The following TRAK1 variants were observed in gnomAD, a reference collection of about 807,000 sequenced individuals.
TRAK1 encodes the protein trafficking kinesin protein 1.
TRAK1 carries 33 observed loss-of-function variants against 92.1 expected under a neutral mutation model. The ratio of observed to expected loss-of-function variants is 0.36; its 90% CI spans 0.27 to 0.48. TRAK1 has a LOEUF of 0.48. TRAK1 is among the 20% of genes least tolerant of loss of function. The pLI, the probability that TRAK1 is intolerant of heterozygous loss-of-function variation, is 0.99. For synonymous variants in TRAK1, 521 were observed against 517.3 expected (o/e 1.01, Z -0.10); for missense variants, 1,123 against 1,257.9 (o/e 0.89, Z 1.62).
chr3:42,201,883 G>GACACACACACACACACACACACACACAC (rs56336064), intron 12 of TRAK1, among the ~76,000 whole-genome samples: 2 of 125,080 alleles, frequency 1.6e-5, no homozygotes, highest in African/African-American at 6.2e-5. Context: ...CGGACAGACG[G>GACACACACACACACACACACACACACAC]ACACACACAC....
chr3:42,020,718 T>G (rs1701692858), intron 1 of TRAK1, among the ~76,000 whole-genome samples: 1 of 152,256 alleles, frequency 6.6e-6, no homozygotes, highest in African/African-American at 2.4e-5. Flanking sequence ...GTGTTCATTC[T>G]TCTCTGGATT....
chr3:42,138,616 G>A (rs1039555048), intron 2 of TRAK1, among the ~76,000 whole-genome samples: 5 of 151,796 alleles, frequency 3.3e-5, no homozygotes, highest in Admixed American at 6.6e-5. Context: ...GCCAGATGTG[G>A]CGGCTCACAC....
intron 1 of TRAK1, chr3:42,051,604 G>A (rs901648661): frequency 6.6e-6 from 1 of 152,302 alleles, no homozygotes; most frequent in African/African-American, 2.4e-5. Context: ...AACATCTGCA[G>A]CTTATTTTCT....
chr3:42,068,350 G>T (rs1703770166), intron 1 of TRAK1, among the ~76,000 whole-genome samples: 1 of 152,062 alleles, frequency 6.6e-6, no homozygotes, highest in African/African-American at 2.4e-5. Flanking sequence ...ATCTTTTGTA[G>T]AGACTGAGTT....
At chr3:42,117,669 G>T (rs1311310099) in intron 1 of TRAK1, among the ~76,000 whole-genome samples, 1 of 152,118 alleles carries the variant, frequency 6.6e-6, no homozygotes, top group African/African-American at 2.4e-5. Context: ...CCAGCGTGCA[G>T]GCACGAGGCC....
intron 14 of TRAK1, chr3:42,218,994 G>C (rs892387945): frequency 3.5e-5 from 34 of 985,376 alleles, no homozygotes; most frequent in Middle Eastern, 1.0e-3. Flanking sequence ...GCCCCTTTTT[G>C]TGTAAGCAGA....
intron 1 of TRAK1, among the ~76,000 whole-genome samples, chr3:42,102,411 T>C (rs1353224425): frequency 1.3e-5 from 2 of 152,254 alleles, no homozygotes; most frequent in Non-Finnish European, 2.9e-5. Context: ...TTCTCATGGA[T>C]TCAGAGTTAT....
intron 14 of TRAK1, among the ~76,000 whole-genome samples, chr3:42,214,302 T>G (rs1391999097): frequency 6.6e-6 from 1 of 152,132 alleles, no homozygotes; most frequent in East Asian, 1.9e-4. Context: ...ACAGGTGAAG[T>G]GCTCTCTTGT....
chr3:42,187,450 G>A (rs1177644009), intron 4 of TRAK1, among the ~76,000 whole-genome samples: 2 of 152,128 alleles, frequency 1.3e-5, no homozygotes, highest in African/African-American at 4.8e-5. Context: ...CTGAATAGTT[G>A]CATCCCCACA....
At chr3:42,109,723 C>G (rs981592186) in intron 1 of TRAK1, among the ~76,000 whole-genome samples, 2 of 152,074 alleles carry the variant, frequency 1.3e-5, no homozygotes, top group African/African-American at 4.8e-5. Context: ...CAATGATAGA[C>G]TGGATTAAGA....
At chr3:42,048,999 T>C (rs1170149735) in intron 1 of TRAK1, among the ~76,000 whole-genome samples, 1 of 152,186 alleles carries the variant, frequency 6.6e-6, no homozygotes, top group Non-Finnish European at 1.5e-5. Flanking sequence ...GCAATCCTTC[T>C]GCATCAGCCT....
intron 1 of TRAK1, among the ~76,000 whole-genome samples, chr3:42,075,337 T>C: frequency 1.9e-5 from 1 of 51,350 alleles, no homozygotes; most frequent in Non-Finnish European, 3.1e-5. Context: ...TGAGACTCAG[T>C]CTCAAAAAAA....
intron 1 of TRAK1, among the ~76,000 whole-genome samples, chr3:42,057,781 T>A (rs1440048771): frequency 6.6e-6 from 1 of 152,168 alleles, no homozygotes; most frequent in Non-Finnish European, 1.5e-5. Context: ...GCAGGCCACA[T>A]GTCTCTCCTC....
chr3:42,113,280 A>G (rs989720741), intron 1 of TRAK1, among the ~76,000 whole-genome samples: 2 of 152,152 alleles, frequency 1.3e-5, no homozygotes, highest in African/African-American at 4.8e-5. Flanking sequence ...CCATTTAACC[A>G]TTAAAAAAAT....
chr3:42,223,368 G>A lies in TRAK1; in HGVS notation c.2493G>A (p.Glu831=). 6.2e-7 allele frequency: 1 copy of A among 1,614,234 alleles called. No individual in the cohort carries two copies. The highest frequency in any genetic ancestry group is 8.5e-7 in the Non-Finnish European group (1 of 1,180,040). ...GAGAAAAGAACGTCCGCAGCAGCGA[G>A]AGCCAGACCGACGTGTCCGTCTCCA... is the stretch of plus-strand genomic sequence containing the variant. ...EVREKNVRSS[E]SQTDVSVSNL... is the part of the protein sequence containing the mutation. Residue 831 remains glutamate, a synonymous_variant, in exon 16 of 16, where the codon GAG becomes GAA. Transcript: ENST00000327628. This position sits in a 1 kb window ranked among gnomAD's most constrained non-coding sequence, Gnocchi z 6.1.
At chr3:42,200,685 A>G in intron 11 of TRAK1, 133 bp from the exon 12 acceptor site, 1 of 837,306 alleles carries the variant, frequency 1.2e-6, no homozygotes, top group Non-Finnish European at 2.0e-6. Flanking sequence ...GGTGGCAGGC[A>G]CAGGATAGCA....
chr3:42,032,664 C>A (rs996780338), intron 1 of TRAK1, among the ~76,000 whole-genome samples: 1 of 152,148 alleles, frequency 6.6e-6, no homozygotes, highest in Non-Finnish European at 1.5e-5. Context: ...CTCAGGGTTT[C>A]TTTTTGCTCC....
intron 1 of TRAK1, among the ~76,000 whole-genome samples, chr3:42,076,004 A>T (rs1704139399): frequency 6.6e-6 from 1 of 151,368 alleles, no homozygotes; most frequent in Admixed American, 6.6e-5. Context: ...CACCACACCC[A>T]GCTAATTTTT....
At chr3:42,200,485 A>T (rs1412182804) in intron 11 of TRAK1, among the ~76,000 whole-genome samples, 1 of 152,236 alleles carries the variant, frequency 6.6e-6, no homozygotes, top group Non-Finnish European at 1.5e-5. Context: ...ATGAAAAAAG[A>T]AATCTAGGAG....
Sources: gnomAD v4.1 joint callset for allele counts (sites outside exome capture counted in the v4.1 genomes callset) on GRCh38, gnomAD v4.1.1 for gene constraint, Gnocchi (gnomAD v3.1) non-coding constraint, MANE v1.5 for transcripts, NCBI Gene and HGNC (gene_info 2026-07-23, HGNC 2026-07-21) for gene names.